ARAP2: variants seen among roughly 807,000 people sequenced by gnomAD.
ARAP2 encodes the protein arf-GAP with Rho-GAP domain, ANK repeat and PH domain-containing protein 2.
Under a neutral mutation model 194.5 loss-of-function variants are expected in ARAP2, and 148 were observed. The observed-to-expected ratio is 0.76, with a 90% CI of 0.67 to 0.87. The LOEUF (loss-of-function observed/expected upper bound fraction) is 0.87. Among genes scored for constraint, ARAP2 ranks in the 40% least tolerant of loss-of-function variants. ARAP2 has a pLI of 0.00. For synonymous variants in ARAP2, 695 were observed against 683.5 expected (o/e 1.02, Z -0.26); for missense variants, 2,128 against 1,989.7 (o/e 1.07, Z -1.32).
chr4:36,186,156 T>C (rs1740510719), intron 8 of ARAP2, among the ~76,000 whole-genome samples: 2 of 152,210 alleles, frequency 1.3e-5, no homozygotes, highest in Non-Finnish European at 2.9e-5. Flanking sequence ...ATTATATATC[T>C]ATTCCTAAAT....
chr4:36,085,608 T>C (rs573534223), intron 28 of ARAP2, among the ~76,000 whole-genome samples: 1 of 152,252 alleles, frequency 6.6e-6, no homozygotes, highest in Admixed American at 6.6e-5. Flanking sequence ...TATATCTTAA[T>C]AGTTGGATGG....
At chr4:36,219,463 C>CT (rs1748691646) in intron 2 of ARAP2, among the ~76,000 whole-genome samples, 1 of 152,118 alleles carries the variant, frequency 6.6e-6, no homozygotes, top group Non-Finnish European at 1.5e-5. Flanking sequence ...ATAGGCAAAA[C>CT]TAACTAATAG....
At chr4:36,142,398 C>T (rs1429317442) in intron 19 of ARAP2, among the ~76,000 whole-genome samples, 1 of 151,466 alleles carries the variant, frequency 6.6e-6, no homozygotes, top group African/African-American at 2.4e-5. Context: ...CTTTCTGGGT[C>T]AAACCCCTTA....
rs771995311 is a variant in ARAP2, at chr4:36,133,334, T to C, written c.3319A>G (p.Ile1107Val). Residue 1107 changes from isoleucine (I) to valine (V), a missense_variant, in exon 20 of 33, where the codon ATT becomes GTT. Transcript: ENST00000303965. ...KLDFTVWHTA[I>V]EKAAGTDGNA... Reference sequence around the variant, plus strand: ...CCATCTGTACCTGCTGCTTTTTCAATTGCAGTATGCCAGACTGTGAAATCC... The same window carrying C: ...CCATCTGTACCTGCTGCTTTTTCAACTGCAGTATGCCAGACTGTGAAATCC... The C allele has an allele frequency of 1.6e-5, 26 of 1,611,248 alleles. No individual in the cohort carries two copies. Among genetic ancestry groups the C allele is most frequent in the Non-Finnish European group, 2.0e-5 (23 of 1,178,264 alleles).
At chr4:36,241,865 TG>T (rs1753583362) in intron 1 of ARAP2, among the ~76,000 whole-genome samples, 1 of 152,154 alleles carries the variant, frequency 6.6e-6, no homozygotes, top group South Asian at 2.1e-4. Context: ...ATCTCAAATC[TG>T]CCACCTAAAC....
At chr4:36,109,612 C>T (rs552540479) in intron 26 of ARAP2, among the ~76,000 whole-genome samples, 3 of 151,986 alleles carry the variant, frequency 2.0e-5, no homozygotes, top group East Asian at 1.9e-4. Context: ...TATAATTCAA[C>T]TGTTAACTAA....
rs1222608442 is a variant in ARAP2, at chr4:36,107,422, T to C, written c.4285+143A>G. On this transcript the variant is annotated intron_variant, in intron 27 of 32. Transcript: ENST00000303965. ...ATATCTTCCTGTCCATATATTCTTC[T>C]TTCTTATATATGTACTATCTCAGTT... is the stretch of plus-strand genomic sequence containing the variant. The C allele has an allele frequency of 6.6e-6, 5 of 763,044 alleles. No individual in the cohort carries two copies. The African/African-American group carries it at 7.3e-5, about 11-fold the overall frequency. The allele number at this position is 763,044 out of a possible 1,614,324, so 47.3% of individuals were successfully genotyped here.
chr4:36,168,186 A>G (rs1735723305), intron 9 of ARAP2, among the ~76,000 whole-genome samples: 1 of 152,128 alleles, frequency 6.6e-6, no homozygotes, highest in African/African-American at 2.4e-5. Flanking sequence ...GTTTCCTTCA[A>G]TCAAATTTAA....
intron 19 of ARAP2, among the ~76,000 whole-genome samples, chr4:36,140,137 A>AAAACACACACACAC (rs759611545): frequency 4.2e-5 from 2 of 47,566 alleles, no homozygotes; most frequent in African/African-American, 5.5e-5. Flanking sequence ...AAACAAAAAC[A>AAAACACACACACAC]ATACACACAC....
At chr4:36,095,605 A>G (rs1714946959) in intron 27 of ARAP2, among the ~76,000 whole-genome samples, 1 of 152,188 alleles carries the variant, frequency 6.6e-6, no homozygotes, top group African/African-American at 2.4e-5. Flanking sequence ...TTTAACAGCA[A>G]TTGTATTTCA....
At chr4:36,124,027 C>G (rs1723294332) in intron 22 of ARAP2, among the ~76,000 whole-genome samples, 1 of 151,660 alleles carries the variant, frequency 6.6e-6, no homozygotes, top group Non-Finnish European at 1.5e-5. Flanking sequence ...AGAGATAGGA[C>G]TATATAATGT....
chr4:36,056,219 G>A lies in ARAP2; in HGVS notation n.321+1751C>T, dbSNP rs1343993903. On this transcript the variant is annotated intron_variant and non_coding_transcript_variant, in intron 2 of 12. Transcript: ENST00000503225. The stretch of plus-strand genomic sequence containing the variant: ...TAAAGTATGTGGGGTATATACACTT[G>A]CACTAGGGCCAGAGCAAATTTATAG... Among the ~76,000 whole-genome samples the A allele has an allele frequency of 2.6e-5, 4 of 152,124 alleles. No homozygotes were observed. The East Asian group carries it at 5.8e-4, about 22-fold the overall frequency.
At chr4:36,140,139 TACACACACACAC>T (rs66531233) in intron 19 of ARAP2, among the ~76,000 whole-genome samples, 43 of 140,478 alleles carry the variant, frequency 3.1e-4, no homozygotes, top group South Asian at 2.1e-3. Flanking sequence ...ACAAAAACAA[TACACACACACAC>T]ACACACACAC....
intron 6 of ARAP2, among the ~76,000 whole-genome samples, chr4:36,196,808 G>A (rs1016549829): frequency 6.6e-6 from 1 of 151,674 alleles, no homozygotes; most frequent in Non-Finnish European, 1.5e-5. Flanking sequence ...CTCTCTGGCC[G>A]CACTGCCTCT....
intron 19 of ARAP2, among the ~76,000 whole-genome samples, chr4:36,135,351 T>A (rs1726440017): frequency 6.6e-6 from 1 of 151,822 alleles, no homozygotes; most frequent in Non-Finnish European, 1.5e-5. Context: ...TTTTCTTTCT[T>A]GAAATGCTCC....
At chr4:36,033,425 C>CT (rs1353637004) in intron 5 of ARAP2, among the ~76,000 whole-genome samples, 2 of 151,588 alleles carry the variant, frequency 1.3e-5, no homozygotes, top group African/African-American at 2.4e-5. Context: ...TTTTCATATG[C>CT]TTGTTGACAA....
chr4:36,202,066 C>A (rs1223358880), intron 6 of ARAP2, among the ~76,000 whole-genome samples: 2 of 152,164 alleles, frequency 1.3e-5, no homozygotes, highest in African/African-American at 4.8e-5. Flanking sequence ...CCAGATTCAT[C>A]TGCCTTGTTT....
chr4:36,135,748 C>A lies in ARAP2; in HGVS notation c.3264-2359G>T, dbSNP rs1578020902. On this transcript the variant is annotated intron_variant, in intron 19 of 32. Coordinates refer to ENST00000303965, the MANE Select transcript of ARAP2 (RefSeq NM_015230.4). ...AATCAAAATTATGTCTTGCTATATT[C>A]ACAAGTTTAGGTAAAGAGAAAAAAC... Among the ~76,000 whole-genome samples, 7 of 151,818 alleles carry A rather than the reference C, an allele frequency of 4.6e-5. No homozygotes were observed. In the East Asian group the frequency reaches 1.4e-3, roughly 30 times the overall value.
At chr4:36,015,822 A>T (rs144298286) in intron 7 of ARAP2, 1 of 152,340 alleles carries the variant, frequency 6.6e-6, no homozygotes, top group Non-Finnish European at 1.5e-5. Context: ...TAATGGCAAG[A>T]ATATGTGAAA....
Sources: gnomAD v4.1 joint callset for allele counts (sites outside exome capture counted in the v4.1 genomes callset) on GRCh38, gnomAD v4.1.1 for gene constraint, MANE v1.5 for transcripts, NCBI Gene and HGNC (gene_info 2026-07-23, HGNC 2026-07-21) for gene names.